GRIP1: variants seen among roughly 807,000 people sequenced by gnomAD.
GRIP1 encodes the protein glutamate receptor interacting protein 1.
A neutral mutation model predicts 129.9 loss-of-function variants in GRIP1; 45 were observed. The observed-to-expected ratio is 0.35, with a 90% confidence interval of 0.27 to 0.44. GRIP1 has a LOEUF of 0.44. Ranked by LOEUF, GRIP1 falls within the 20% of genes least tolerant of loss-of-function variation. The pLI, the probability that GRIP1 is intolerant of heterozygous loss-of-function variation, is 1.00. For missense variants in GRIP1, 1,196 were observed against 1,396.8 expected (o/e 0.86, Z 2.29); for synonymous variants, 530 against 520.8 (o/e 1.02, Z -0.24).
intron 1 of GRIP1, among the ~76,000 whole-genome samples, chr12:66,647,543 T>C (rs2032469568): frequency 6.6e-6 from 1 of 152,220 alleles, no homozygotes; most frequent in Non-Finnish European, 1.5e-5. Flanking sequence ...GGCTTGTTCA[T>C]GGTCCTCCTG....
intron 19 of GRIP1, among the ~76,000 whole-genome samples, chr12:66,385,290 C>T (rs1275859329): frequency 6.6e-6 from 1 of 152,172 alleles, no homozygotes; most frequent in Non-Finnish European, 1.5e-5. Flanking sequence ...AATCCCAGCA[C>T]TTTGGGAGGC....
At chr12:67,031,152 C>T (rs1027038497) in intron 1 of GRIP1, among the ~76,000 whole-genome samples, 17 of 152,150 alleles carry the variant, frequency 1.1e-4, no homozygotes, top group African/African-American at 3.6e-4. Context: ...CAGGAAGCTG[C>T]CTGTCCGCTC....
intron 1 of GRIP1, among the ~76,000 whole-genome samples, chr12:66,653,855 A>G (rs1565943919): frequency 1.3e-5 from 2 of 152,218 alleles, no homozygotes; most frequent in Non-Finnish European, 2.9e-5. Flanking sequence ...AATATACACA[A>G]TTGAGTAGAG....
chr12:66,353,701 C>A, intron 23 of GRIP1, 138 bp from the exon 24 acceptor site: 1 of 790,570 alleles, frequency 1.3e-6, no homozygotes, highest in Non-Finnish European at 2.2e-6. Context: ...CTCCCTGCAC[C>A]AATCCTGCAG....
rs528945541 is a variant in GRIP1 at position 66,360,653 on chromosome 12, C to T, written c.3013-7090G>A. On this transcript the variant is annotated intron_variant, in intron 23 of 24. Transcript: ENST00000359742. ...TTCACAGGAGGCAGGGTGGGTTCAC[C>T]ATGATTCACATTCAACCTTGTTTTA... Among the ~76,000 whole-genome samples the T allele has an allele frequency of 9.9e-5, 15 of 152,280 alleles. No individual in the cohort carries two copies. In the East Asian group the frequency reaches 2.9e-3, roughly 29 times the overall value.
At chr12:66,845,419 T>C (rs1040982229) in intron 1 of GRIP1, among the ~76,000 whole-genome samples, 1 of 152,200 alleles carries the variant, frequency 6.6e-6, no homozygotes, top group African/African-American at 2.4e-5. Flanking sequence ...ATCAGGCCAC[T>C]GCACTACAGC....
chr12:66,852,734 ATGATTT>A (rs939815700), intron 1 of GRIP1, among the ~76,000 whole-genome samples: 7 of 151,946 alleles, frequency 4.6e-5, no homozygotes. Flanking sequence ...GTCAACTCTA[ATGATTT>A]TGAAACATTT....
intron 1 of GRIP1, among the ~76,000 whole-genome samples, chr12:66,629,091 T>C (rs1328653567): frequency 6.6e-6 from 1 of 152,224 alleles, no homozygotes; most frequent in African/African-American, 2.4e-5. Context: ...GTATGCATAT[T>C]AGCATGCAAA....
intron 1 of GRIP1, among the ~76,000 whole-genome samples, chr12:67,066,888 T>TTATATATATATATATATATATATATATA (rs1555170033): frequency 1.3e-4 from 16 of 125,636 alleles, no homozygotes; most frequent in African/African-American, 4.7e-4. Flanking sequence ...AAATATATAT[T>TTATATATATATATATATATATATATATA]TATATATATA....
chr12:67,055,593 C>T (rs1287004378), intron 1 of GRIP1, among the ~76,000 whole-genome samples: 6 of 152,190 alleles, frequency 3.9e-5, no homozygotes, highest in African/African-American at 1.4e-4. Context: ...AGTTTTTGGT[C>T]ATGCCTCTCA....
intron 1 of GRIP1, among the ~76,000 whole-genome samples, chr12:66,811,498 AC>A (rs1474674337): frequency 2.6e-5 from 3 of 114,432 alleles, no homozygotes; most frequent in Admixed American, 9.6e-5. Context: ...TAATTGTGAG[AC>A]TTCACGGAAT....
chr12:66,914,293 T>C (rs1364528643), intron 1 of GRIP1, among the ~76,000 whole-genome samples: 4 of 152,246 alleles, frequency 2.6e-5, no homozygotes, highest in Non-Finnish European at 5.9e-5. Flanking sequence ...TATTTTGCTG[T>C]TGTTAACAAT....
Position 66,348,914 on chromosome 12 carries a change from A to C in GRIP1, c.*105T>G. ...TAAAAGACCCCTGTGCTTGCAGTTAATGCCACGTTGATTGATTATCTGTGC... is the reference window on the plus strand; with the variant it reads ...TAAAAGACCCCTGTGCTTGCAGTTACTGCCACGTTGATTGATTATCTGTGC... On this transcript the variant is annotated 3_prime_UTR_variant, in exon 25 of 25. Transcript: ENST00000359742. The C allele has an allele frequency of 1.2e-6, 1 of 846,232 alleles. No individual in the cohort carries two copies. Among genetic ancestry groups the C allele is most frequent in the Admixed American group, 1.7e-5 (1 of 58,866 alleles). The allele number at this position is 846,232 out of a possible 1,614,324, so 52.4% of individuals were successfully genotyped here.
intron 6 of GRIP1, among the ~76,000 whole-genome samples, chr12:66,515,983 T>C (rs182917557): frequency 1.3e-5 from 2 of 152,182 alleles, no homozygotes; most frequent in East Asian, 3.9e-4. Context: ...TAACTACACA[T>C]TAGCAAAAAA....
chr12:66,436,864 T>G (rs925298576), intron 13 of GRIP1, among the ~76,000 whole-genome samples: 3 of 150,542 alleles, frequency 2.0e-5, no homozygotes, highest in Non-Finnish European at 2.9e-5. Flanking sequence ...CACATGCCTA[T>G]AATCCCAGCT....
intron 1 of GRIP1, among the ~76,000 whole-genome samples, chr12:67,053,991 G>A (rs2043390789): frequency 6.6e-6 from 1 of 152,192 alleles, no homozygotes; most frequent in Admixed American, 6.5e-5. Context: ...GATTTCCAGT[G>A]GTGAAAGAGA....
chr12:66,977,652 A>T (rs1390465601), intron 1 of GRIP1, among the ~76,000 whole-genome samples: 1 of 152,110 alleles, frequency 6.6e-6, no homozygotes, highest in Non-Finnish European at 1.5e-5. Flanking sequence ...ATAAATGGGA[A>T]TCAAACAATA....
intron 1 of GRIP1, among the ~76,000 whole-genome samples, chr12:66,818,720 T>C (rs2039268288): frequency 1.3e-5 from 2 of 152,186 alleles, no homozygotes; most frequent in East Asian, 1.9e-4. Flanking sequence ...ATTGCATGTG[T>C]GTGGTGGCAA....
intron 15 of GRIP1, among the ~76,000 whole-genome samples, chr12:66,417,102 G>A (rs1468853987): frequency 6.6e-6 from 1 of 152,090 alleles, no homozygotes; most frequent in East Asian, 1.9e-4. Context: ...CAACCAAGTT[G>A]GATCACAACC....
Sources: allele counts gnomAD v4.1 joint callset (sites outside exome capture counted in the v4.1 genomes callset), GRCh38; gene constraint gnomAD v4.1.1; transcripts MANE v1.5; gene names NCBI Gene and HGNC (gene_info 2026-07-23, HGNC 2026-07-21).